The following PRMT8 variants were observed in gnomAD, a reference collection of about 807,000 sequenced individuals.
PRMT8 encodes the protein protein arginine N-methyltransferase 8.
Under a neutral mutation model 47.1 loss-of-function variants are expected in PRMT8, and 7 were observed. The observed-to-expected ratio is 0.15, with a 90% CI of 0.08 to 0.28. The LOEUF is 0.28. Ranked by LOEUF, PRMT8 falls within the 10% of genes least tolerant of loss-of-function variation. The pLI, the probability that PRMT8 is intolerant of heterozygous loss-of-function variation, is 1.00. For synonymous variants in PRMT8, 188 were observed against 186.5 expected (o/e 1.01, Z -0.07); for missense variants, 237 against 505.4 (o/e 0.47, Z 5.09).
intron 1 of PRMT8, among the ~76,000 whole-genome samples, chr12:3,432,890 C>A (rs1450291509): frequency 1.3e-5 from 2 of 152,148 alleles, no homozygotes; most frequent in Non-Finnish European, 2.9e-5. Flanking sequence ...AACATTGAAT[C>A]AACAGGTGAA....
intron 4 of PRMT8, among the ~76,000 whole-genome samples, chr12:3,565,627 A>G (rs963800483): frequency 2.0e-5 from 3 of 152,162 alleles, no homozygotes; most frequent in Non-Finnish European, 4.4e-5. Context: ...GCCTTTTTGC[A>G]AGCAGAGATT....
chr12:3,397,791 C>A (rs1446419083), intron 1 of PRMT8, among the ~76,000 whole-genome samples: 2 of 152,132 alleles, frequency 1.3e-5, no homozygotes, highest in Admixed American at 1.3e-4. Context: ...CGGGCAATGG[C>A]GGGCGCCCCT....
chr12:3,464,687 G>C (rs930995396), intron 1 of PRMT8, among the ~76,000 whole-genome samples: 5 of 152,176 alleles, frequency 3.3e-5, no homozygotes. Context: ...ACATCTGACA[G>C]ACTTCTGGTT....
At chr12:3,452,471 G>A (rs942289156) in intron 1 of PRMT8, among the ~76,000 whole-genome samples, 2 of 152,312 alleles carry the variant, frequency 1.3e-5, no homozygotes, top group African/African-American at 4.8e-5. Flanking sequence ...AGATAGATCC[G>A]AGAATTAATG....
At chr12:3,442,300 C>T (rs61259527) in intron 1 of PRMT8, among the ~76,000 whole-genome samples, 10 of 151,068 alleles carry the variant, frequency 6.6e-5, no homozygotes, top group African/African-American at 2.4e-4. Context: ...TCTTTTGAAC[C>T]GAAAAAACAG....
Position 3,593,177 on chromosome 12 carries a change from C to T in PRMT8, c.1180C>T (p.Arg394Cys). The T allele has an allele frequency of 6.2e-7, 1 of 1,613,060 alleles. No individual in the cohort carries two copies. The highest frequency in any genetic ancestry group is 8.5e-7 in the Non-Finnish European group (1 of 1,179,210). ...ATCTGTATCTAATGACTACAAAATGCGTTAGCACACGTGGGAAGCTGCAGA... is the reference window on the plus strand; with the variant it reads ...ATCTGTATCTAATGACTACAAAATGTGTTAGCACACGTGGGAAGCTGCAGA... Reference protein sequence around the residue: ...ETSVSNDYKMR With the variant: ...ETSVSNDYKMC Residue 394 changes from arginine (R) to cysteine (C), a missense_variant, in exon 10 of 10, where the codon CGT becomes TGT. Around this residue, in one of 5 missense-constraint regions of PRMT8, gnomAD observed 151 missense variants for 341.1 expected, o/e 0.44. Transcript: ENST00000382622. This position sits in a 1 kb window ranked among gnomAD's most constrained non-coding sequence, Gnocchi z 4.8.
chr12:3,583,120 G>A lies in PRMT8; in HGVS notation c.891G>A (p.Gln297=). Reference sequence around the variant, plus strand: ...CGTTCACATCTGCATTCTGCCTGCAGATACAGCGCAACGACTACGTCCACG... The same window carrying A: ...CGTTCACATCTGCATTCTGCCTGCAAATACAGCGCAACGACTACGTCCACG... ...ELSFTSAFCL[Q]IQRNDYVHAL... is the part of the protein sequence containing the mutation. Residue 297 remains glutamine (Q), a synonymous_variant, in exon 8 of 10, where the codon CAG becomes CAA. Transcript: ENST00000382622. This position sits in a 1 kb window ranked among gnomAD's most constrained non-coding sequence, Gnocchi z 4.7. 1 of 1,614,162 alleles carries A rather than the reference G, an allele frequency of 6.2e-7. No individual in the cohort carries two copies. Among genetic ancestry groups the A allele is most frequent in the Non-Finnish European group, 8.5e-7 (1 of 1,180,026 alleles).
intron 1 of PRMT8, among the ~76,000 whole-genome samples, chr12:3,442,683 G>C (rs1864815647): frequency 6.6e-6 from 1 of 152,128 alleles, no homozygotes; most frequent in Non-Finnish European, 1.5e-5. Flanking sequence ...TTTTCAGATA[G>C]AGTCTCACTC....
At chr12:3,496,622 C>G (rs1295083378) in intron 1 of PRMT8, among the ~76,000 whole-genome samples, 2 of 151,908 alleles carry the variant, frequency 1.3e-5, no homozygotes, top group African/African-American at 4.8e-5. Context: ...GAGCAAGTTG[C>G]TTAATGTCTC....
In PRMT8 at chr12:3,567,873, A is replaced by C. The variant is rs369624829; in HGVS notation, c.482-833A>C. On this transcript the variant is annotated intron_variant, in intron 4 of 9. Coordinates refer to ENST00000382622, the MANE Select transcript of PRMT8 (RefSeq NM_019854.5). ...TAGATCACCTGAGGTCAGGAGTTTG[A>C]GACCACTCTGGCCAACATGGTGAAA... 1.4e-4 allele frequency among the ~76,000 whole-genome samples: 21 copies of C among 152,258 alleles called. 1 individual carries two copies. Among genetic ancestry groups the C allele is most frequent in the Admixed American group, 9.2e-4 (14 of 15,298 alleles).
intron 1 of PRMT8, among the ~76,000 whole-genome samples, chr12:3,513,108 C>T (rs896122272): frequency 6.6e-6 from 1 of 152,138 alleles, no homozygotes; most frequent in Admixed American, 6.5e-5. Context: ...GTCTACCATG[C>T]AGCACTCTCC....
chr12:3,576,960 G>C lies in PRMT8; in HGVS notation c.802G>C (p.Val268Leu), dbSNP rs1866956614. 1 of 1,614,068 alleles carries C rather than the reference G, an allele frequency of 6.2e-7. No individual in the cohort carries two copies. The highest frequency in any genetic ancestry group is 1.3e-5 in the African/African-American group (1 of 74,930). Residue 268 changes from valine to leucine, a missense_variant, in exon 7 of 10, where the codon GTG becomes CTG. Val to Leu is a conservative substitution (Grantham distance 32, BLOSUM62 1). Coordinates refer to ENST00000382622, the MANE Select transcript of PRMT8 (RefSeq NM_019854.5). This position sits in a 1 kb window ranked among gnomAD's most constrained non-coding sequence, Gnocchi z 4.0. ...AGTGGACATCGTGGATCCAAAGCAA[G>C]TGGTGACCAATGCCTGTTTGATAAA... ...PLVDIVDPKQ[V>L]VTNACLIKEV...
chr12:3,579,475 C>T (rs745733022), intron 7 of PRMT8, among the ~76,000 whole-genome samples: 22 of 152,182 alleles, frequency 1.4e-4, no homozygotes, highest in African/African-American at 1.4e-4. Flanking sequence ...GTGTGTGTTC[C>T]GTACACTCCT....
In PRMT8 at chr12:3,557,746, C is replaced by T. The variant is rs2137187898; in HGVS notation, c.481+4032C>T. Among the ~76,000 whole-genome samples the T allele has an allele frequency of 6.6e-6, 1 of 152,178 alleles. No individual in the cohort carries two copies. The highest frequency in any genetic ancestry group is 2.4e-5 in the African/African-American group (1 of 41,508). ...AGGCTAGGAGAGGTGGGTGACTGAG[C>T]CCTTTGCTAAGGTGTGTTTGTGTGG... On this transcript the variant is annotated intron_variant, in intron 4 of 9. Coordinates refer to ENST00000382622, the MANE Select transcript of PRMT8 (RefSeq NM_019854.5). This position sits in a 1 kb window ranked among gnomAD's most constrained non-coding sequence, Gnocchi z 4.7.
rs1864975723 is a variant in PRMT8, at chr12:3,456,599, G to A, written c.48+75157G>A. 6.6e-6 allele frequency among the ~76,000 whole-genome samples: 1 copy of A among 152,140 alleles called. No homozygotes were observed. On this transcript the variant is annotated intron_variant, in intron 1 of 9. Coordinates refer to the PRMT8 transcript ENST00000452611. The surrounding 1 kb of genome is among the most constrained non-coding windows in gnomAD (Gnocchi z 4.2). ...GCGAAACGCCCGGGACCATCCGTCT[G>A]AATTACCCACAGGGTGAGGATGAAA...
Position 3,451,633 on chromosome 12 carries a change from G to A in PRMT8, c.48+70191G>A, listed in dbSNP as rs766155366. Among the ~76,000 whole-genome samples, 6 of 152,098 alleles carry A rather than the reference G, an allele frequency of 3.9e-5. No individual in the cohort carries two copies. In the South Asian group the frequency reaches 6.2e-4, roughly 16 times the overall value. On this transcript the variant is annotated intron_variant, in intron 1 of 9. Coordinates refer to the PRMT8 transcript ENST00000452611. The stretch of plus-strand genomic sequence containing the variant: ...TACATGGGTGCTTAGCTGTGCTTTC[G>A]TGCTCCAACAGTTAGACATCCTATA...
intron 1 of PRMT8, among the ~76,000 whole-genome samples, chr12:3,428,003 T>C (rs183916719): frequency 1.3e-5 from 2 of 152,368 alleles, no homozygotes; most frequent in Admixed American, 1.3e-4. Flanking sequence ...GAGATTTCAA[T>C]TATCCTTTGC....
intron 1 of PRMT8, among the ~76,000 whole-genome samples, chr12:3,537,543 C>G (rs909704936): frequency 6.6e-6 from 1 of 152,188 alleles, no homozygotes; most frequent in Non-Finnish European, 1.5e-5. Flanking sequence ...GACATCTTCT[C>G]TTATATGACT....
intron 1 of PRMT8, among the ~76,000 whole-genome samples, chr12:3,394,917 A>G (rs1650763067): frequency 1.3e-5 from 2 of 151,572 alleles, no homozygotes; most frequent in Non-Finnish European, 3.0e-5. Context: ...CAGAGATTCA[A>G]CTTCTTCCTG....
Sources: allele counts gnomAD v4.1 joint callset (sites outside exome capture counted in the v4.1 genomes callset), GRCh38; gene constraint gnomAD v4.1.1; regional missense constraint gnomAD v4.1.1; non-coding constraint Gnocchi (gnomAD v3.1); transcripts MANE v1.5; gene names NCBI Gene and HGNC (gene_info 2026-07-23, HGNC 2026-07-21).